Variants in SYTL2 observed in about 807,000 individuals in gnomAD.
The protein encoded by SYTL2 is synaptotagmin like 2.
SYTL2 carries 165 observed loss-of-function variants against 198.7 expected under a neutral mutation model. That is an observed-to-expected ratio of 0.83 (90% CI 0.73 to 0.94). The LOEUF is 0.94. Ranked by LOEUF, SYTL2 falls within the 40% of genes least tolerant of loss-of-function variation. SYTL2 has a pLI of 0.00. For missense variants in SYTL2, 2,835 were observed against 2,582.8 expected, an observed-to-expected ratio of 1.10 and a Z score of -2.12; for synonymous variants, 966 against 917.7, an observed-to-expected ratio of 1.05 and a Z score of -0.95.
At chr11:85,714,212 G>A (rs1178519070) in intron 12 of SYTL2, among the ~76,000 whole-genome samples, 1 of 152,320 alleles carries the variant, frequency 6.6e-6, no homozygotes, top group South Asian at 2.1e-4. Context: ...CTAACCAAAA[G>A]GAGTTACTGT....
chr11:85,711,601 A>G (rs965309010), intron 12 of SYTL2, among the ~76,000 whole-genome samples: 8 of 152,198 alleles, frequency 5.3e-5, no homozygotes, highest in African/African-American at 1.9e-4. Context: ...CTTTACCCAG[A>G]TAATAAAAAG....
intron 1 of SYTL2, among the ~76,000 whole-genome samples, chr11:85,788,124 G>A (rs2092667550): frequency 6.6e-6 from 1 of 152,164 alleles, no homozygotes; most frequent in African/African-American, 2.4e-5. Flanking sequence ...TGGTTCCAGG[G>A]TCCAGTTTTT....
At chr11:85,750,365 C>T (rs184349483) in intron 2 of SYTL2, among the ~76,000 whole-genome samples, 1 of 152,198 alleles carries the variant, frequency 6.6e-6, no homozygotes, top group East Asian at 1.9e-4. Context: ...ATGTCTTTCC[C>T]TCACTTCTCT....
intron 1 of SYTL2, among the ~76,000 whole-genome samples, chr11:85,807,729 C>T (rs1432894708): frequency 1.3e-5 from 2 of 152,166 alleles, no homozygotes; most frequent in African/African-American, 4.8e-5. Flanking sequence ...AGATGTTTAG[C>T]AAGAGTACAG....
the SYTL2 span, among the ~76,000 whole-genome samples, chr11:85,833,983 C>T: frequency 6.6e-6 from 1 of 152,024 alleles, no homozygotes; most frequent in African/African-American, 2.4e-5. Context: ...AAGTGATCCA[C>T]CCATCTCGGC....
intron 1 of SYTL2, among the ~76,000 whole-genome samples, chr11:85,786,982 G>A (rs973621640): frequency 1.3e-5 from 2 of 152,160 alleles, no homozygotes; most frequent in African/African-American, 4.8e-5. Flanking sequence ...TGAATGGATG[G>A]ATGAACTTTC....
intron 8 of SYTL2, among the ~76,000 whole-genome samples, chr11:85,721,530 C>T (rs1365437635): frequency 1.3e-5 from 2 of 151,748 alleles, no homozygotes; most frequent in Non-Finnish European, 2.9e-5. Flanking sequence ...TTTAAAGTTG[C>T]GGGAGGGAGG....
At position 85,695,106 on chromosome 11, in the gene SYTL2, G is replaced by C; in HGVS notation, c.*89C>G. ...ATTCCTTAGGTGCAATAGATAGAAA[G>C]TGAGGATATTTGTCCACCTACTCAG... On this transcript the variant is annotated 3_prime_UTR_variant, in exon 20 of 20. Transcript: ENST00000359152. 1 of 1,366,290 alleles carries C rather than the reference G, an allele frequency of 7.3e-7. No individual in the cohort carries two copies. The highest frequency in any genetic ancestry group is 1.4e-5 in the South Asian group (1 of 72,654). The allele number at this position is 1,366,290 out of a possible 1,614,324, so 84.6% of individuals were successfully genotyped here.
chr11:85,748,262 G>A lies in SYTL2; in HGVS notation c.253+10C>T, dbSNP rs2091291929. ...TGCTTGTTGTAAATGCACTAGCCAA[G>A]TCAACTCACCTGCTATCTGGGGCCT... On this transcript the variant is annotated intron_variant, in intron 3 of 19. Transcript: ENST00000359152. The A allele has an allele frequency of 1.2e-6, 2 of 1,610,328 alleles. No individual in the cohort carries two copies. Among genetic ancestry groups the A allele is most frequent in the Non-Finnish European group, 1.7e-6 (2 of 1,177,342 alleles).
chr11:85,748,848 G>A (rs1025597005), intron 2 of SYTL2, among the ~76,000 whole-genome samples: 1 of 152,220 alleles, frequency 6.6e-6, no homozygotes, highest in Non-Finnish European at 1.5e-5. Flanking sequence ...TTAACCGAGT[G>A]AATTCATTCA....
Position 85,694,930 on chromosome 11 carries a change from T to C in SYTL2, c.*265A>G. On this transcript the variant is annotated 3_prime_UTR_variant, in exon 20 of 20. Coordinates refer to ENST00000359152, the MANE Select transcript of SYTL2 (RefSeq NM_206927.4). ...TTAATGCTCTGGGGCAGCTTTTTCT[T>C]TGAAGCAGCAGCAGAAATTCAATTT... is the stretch of plus-strand genomic sequence containing the variant. 3.4e-6 allele frequency: 1 copy of C among 291,762 alleles called. No individual in the cohort carries two copies. The highest frequency in any genetic ancestry group is 6.4e-6 in the Non-Finnish European group (1 of 157,332). 18.1% of individuals were successfully genotyped at this position (291,762 alleles called of 1,614,324 possible). A position where few individuals can be genotyped will look rare whatever the true frequency, so the allele number is the denominator to read the frequency against.
the SYTL2 span, among the ~76,000 whole-genome samples, chr11:85,818,510 A>G: frequency 1.3e-5 from 2 of 152,170 alleles, no homozygotes; most frequent in Admixed American, 1.3e-4. Flanking sequence ...ATGGCCAAGA[A>G]TCTAGTTCTG....
At chr11:85,700,318 T>C (rs1220022666) in intron 17 of SYTL2, among the ~76,000 whole-genome samples, 197 bp downstream of exon 17, 2 of 85,862 alleles carry the variant, frequency 2.3e-5, no homozygotes, top group Admixed American at 1.1e-4. Context: ...GATTTTATGT[T>C]TTCTTTTTTT....
chr11:85,707,956 C>CAAAAAA (rs11464135), intron 14 of SYTL2: 45 of 85,822 alleles, frequency 5.2e-4, no homozygotes, highest in South Asian at 1.9e-3. Flanking sequence ...AGGCTGGTCT[C>CAAAAAA]AAAAAAAAAA....
the SYTL2 span, among the ~76,000 whole-genome samples, chr11:85,848,715 T>C: frequency 1.3e-5 from 2 of 152,252 alleles, no homozygotes; most frequent in Non-Finnish European, 1.5e-5. Context: ...TCATTGTTGC[T>C]AAATACTCTT....
the SYTL2 span, among the ~76,000 whole-genome samples, chr11:85,841,836 T>TA: frequency 2.6e-5 from 4 of 152,160 alleles, no homozygotes; most frequent in African/African-American, 4.8e-5. Context: ...AGTTAAATTT[T>TA]AAAAAATCAA....
chr11:85,804,649 T>C (rs887350404), intron 1 of SYTL2, among the ~76,000 whole-genome samples: 3 of 152,216 alleles, frequency 2.0e-5, no homozygotes, highest in African/African-American at 7.2e-5. Flanking sequence ...GTCAGACATC[T>C]TCATCATTCA....
In SYTL2 at chr11:85,725,881, T is replaced by A. The variant is rs1463444030; in HGVS notation, c.3477A>T (p.Gln1159His). Residue 1159 changes from glutamine (Q) to histidine (H), a missense_variant, in exon 8 of 20, where the codon CAA becomes CAT. Gln to His is a conservative substitution (Grantham distance 24). This residue lies in a region of SYTL2 where 2,645 missense variants were observed against 2,381.7 expected (regional missense o/e 1.11). Coordinates refer to ENST00000359152, the MANE Select transcript of SYTL2 (RefSeq NM_206927.4). ...TTTCAGAAACACTTGGTTCAAGCAC[T>A]TGTTTTCCATGAACTTTTCCACCAG... ...QPSGGKVHGK[Q>H]VLEPSVSENR... 1.2e-6 allele frequency: 2 copies of A among 1,613,736 alleles called. No homozygotes were observed. Among genetic ancestry groups the A allele is most frequent in the African/African-American group, 2.7e-5 (2 of 74,926 alleles).
At chr11:85,759,773 TTTC>T (rs1168032004) in intron 1 of SYTL2, among the ~76,000 whole-genome samples, 1 of 152,106 alleles carries the variant, frequency 6.6e-6, no homozygotes, top group Non-Finnish European at 1.5e-5. Flanking sequence ...ATTACTTCAT[TTTC>T]TTTTTAATTT....
Sources: gnomAD v4.1 joint callset for allele counts (sites outside exome capture counted in the v4.1 genomes callset) on GRCh38, gnomAD v4.1.1 for gene constraint, gnomAD v4.1.1 regional missense constraint, MANE v1.5 for transcripts, NCBI Gene and HGNC (gene_info 2026-07-23, HGNC 2026-07-21) for gene names.